Variants in SBF2 observed in about 807,000 individuals in gnomAD.
SBF2 encodes myotubularin-related protein 13.
SBF2 carries 112 observed loss-of-function variants against 225.2 expected under a neutral mutation model. The observed-to-expected ratio is 0.50, with a 90% CI of 0.43 to 0.58. The LOEUF is 0.58. Ranked by LOEUF, SBF2 falls within the 20% of genes least tolerant of loss-of-function variation. The pLI, the probability that SBF2 is intolerant of heterozygous loss-of-function variation, is 0.00. For synonymous variants in SBF2, 763 were observed against 773.3 expected (o/e 0.99, Z 0.22); for missense variants, 1,996 against 2,206.2 (o/e 0.90, Z 1.91).
chr11:10,276,848 T>A (rs989721224), intron 1 of SBF2, among the ~76,000 whole-genome samples: 3 of 152,174 alleles, frequency 2.0e-5, no homozygotes, highest in African/African-American at 7.2e-5. Flanking sequence ...TACTGGTTGT[T>A]ATCAATATAA....
intron 23 of SBF2, among the ~76,000 whole-genome samples, chr11:9,846,054 G>C (rs1372130602): frequency 6.6e-6 from 1 of 152,148 alleles, no homozygotes; most frequent in African/African-American, 2.4e-5. Context: ...GTTCCAGATA[G>C]AGAATTTGGC....
chr11:10,251,583 T>C (rs991778956), intron 1 of SBF2, among the ~76,000 whole-genome samples: 4 of 152,314 alleles, frequency 2.6e-5, no homozygotes, highest in Non-Finnish European at 5.9e-5. Flanking sequence ...TCTAGCTCCT[T>C]CTTTAATCTA....
intron 13 of SBF2, among the ~76,000 whole-genome samples, chr11:9,986,653 C>T (rs189490047): frequency 1.1e-3 from 171 of 152,102 alleles, no homozygotes; most frequent in Non-Finnish European, 1.9e-3. Context: ...AACACCTTTA[C>T]GCACATAAAC....
At chr11:10,220,246 A>C (rs1958292952) in intron 1 of SBF2, among the ~76,000 whole-genome samples, 1 of 152,024 alleles carries the variant, frequency 6.6e-6, no homozygotes, top group African/African-American at 2.4e-5. Context: ...ATCTCATAAG[A>C]CTTATTCACT....
chr11:9,965,161 GCTACT>G (rs1242913383), intron 14 of SBF2, among the ~76,000 whole-genome samples: 2 of 152,204 alleles, frequency 1.3e-5, no homozygotes, highest in East Asian at 3.9e-4. Context: ...ATATTTTATG[GCTACT>G]CTTTGGATTC....
At chr11:9,970,414 C>A (rs1358726647) in intron 13 of SBF2, among the ~76,000 whole-genome samples, 1 of 152,014 alleles carries the variant, frequency 6.6e-6, no homozygotes, top group Non-Finnish European at 1.5e-5. Context: ...ACTGTGTTAG[C>A]CAGGACGGTC....
At position 9,795,942 on chromosome 11, in the gene SBF2, G is replaced by A. The variant is rs1590103742; in HGVS notation, c.4459C>T (p.Pro1487Ser). 1.8e-5 allele frequency: 29 copies of A among 1,613,222 alleles called. No individual in the cohort carries two copies. Among genetic ancestry groups the A allele is most frequent in the Non-Finnish European group, 2.3e-5 (27 of 1,179,928 alleles). Reference sequence around the variant, plus strand: ...TAGAGATTGAATTCAAACTCAGTTGGATACTGGTTGTGAACCTGAAACACA... The same window carrying A: ...TAGAGATTGAATTCAAACTCAGTTGAATACTGGTTGTGAACCTGAAACACA... ...DCVHQVHNQYPTEFEFNLYYL... is the reference protein window; with the variant it reads ...DCVHQVHNQYSTEFEFNLYYL... The change falls in exon 33 of 40, where the codon CCA becomes TCA. Residue 1487 changes from proline (P) to serine (S), a missense_variant. Coordinates refer to ENST00000256190, the MANE Select transcript of SBF2 (RefSeq NM_030962.4).
intron 15 of SBF2, among the ~76,000 whole-genome samples, chr11:9,962,785 C>T (rs966201439): frequency 2.0e-5 from 3 of 152,006 alleles, no homozygotes; most frequent in African/African-American, 7.3e-5. Context: ...GCTAAAAAAT[C>T]AGAACAAAGG....
chr11:9,969,994 A>G (rs1282983401), intron 13 of SBF2, among the ~76,000 whole-genome samples: 1 of 152,214 alleles, frequency 6.6e-6, no homozygotes, highest in Non-Finnish European at 1.5e-5. Flanking sequence ...TTGGGTTGGC[A>G]TGAACTTTTT....
intron 1 of SBF2, among the ~76,000 whole-genome samples, chr11:10,251,494 T>C (rs1960344523): frequency 1.3e-5 from 2 of 152,164 alleles, no homozygotes; most frequent in Admixed American, 6.5e-5. Context: ...TATGGACAAA[T>C]CCATCAAATG....
intron 38 of SBF2, among the ~76,000 whole-genome samples, chr11:9,783,367 G>A (rs371930216): frequency 8.5e-5 from 13 of 152,330 alleles, no homozygotes; most frequent in African/African-American, 2.9e-4. Context: ...CATTTGGAAG[G>A]AGTCTTTTAG....
intron 1 of SBF2, among the ~76,000 whole-genome samples, chr11:10,215,249 A>AG (rs1409063155): frequency 6.6e-6 from 1 of 152,192 alleles, no homozygotes; most frequent in African/African-American, 2.4e-5. Flanking sequence ...AGCAGCCTAT[A>AG]GGGAAAAAAA....
At position 10,002,782 on chromosome 11, in the gene SBF2, T is replaced by G. The variant is rs902264104; in HGVS notation, c.620-93A>C. 36 of 1,224,894 alleles carry G rather than the reference T, an allele frequency of 2.9e-5. No homozygotes were observed. The African/African-American group carries it at 4.2e-4, about 14-fold the overall frequency. 75.9% of individuals were successfully genotyped at this position (1,224,894 alleles called of 1,614,324 possible). On this transcript the variant is annotated intron_variant, in intron 6 of 39. Coordinates refer to ENST00000256190, the MANE Select transcript of SBF2 (RefSeq NM_030962.4). The stretch of plus-strand genomic sequence containing the variant: ...AGTATACACGGAAAGAAAAAGCCAG[T>G]AATTTTGGACTCTCTGAAGGAAAAT...
chr11:9,911,968 C>A (rs1862658358), intron 16 of SBF2, among the ~76,000 whole-genome samples: 1 of 152,240 alleles, frequency 6.6e-6, no homozygotes, highest in Admixed American at 6.5e-5. Context: ...CCCAGGACAG[C>A]TTTCAATGTG....
In SBF2 at chr11:10,286,088, A is replaced by AAAG. The variant is rs1473236985; in HGVS notation, c.55+7926_55+7927insCTT. Reference sequence around the variant, plus strand: ...AGCAATCCACCCACCTCAGCCTCCCATAGTGATGGGATTACAGGCGTGAGC... The same window carrying AAAG: ...AGCAATCCACCCACCTCAGCCTCCCAAAGTAGTGATGGGATTACAGGCGTGAGC... On this transcript the variant is annotated intron_variant, in intron 1 of 39. Transcript: ENST00000256190. 5.9e-5 allele frequency among the ~76,000 whole-genome samples: 9 copies of AAAG among 152,184 alleles called. No homozygotes were observed. In the East Asian group the frequency reaches 1.5e-3, roughly 26 times the overall value.
At chr11:9,930,259 A>G (rs957649619) in intron 16 of SBF2, among the ~76,000 whole-genome samples, 1 of 152,220 alleles carries the variant, frequency 6.6e-6, no homozygotes, top group East Asian at 1.9e-4. Context: ...CCAACCTAAT[A>G]TTTATACAAT....
intron 2 of SBF2, among the ~76,000 whole-genome samples, chr11:10,053,008 T>C (rs969135723): frequency 2.0e-5 from 3 of 152,164 alleles, no homozygotes; most frequent in African/African-American, 7.2e-5. Context: ...AAGGTATGCA[T>C]GTATGTATGT....
At chr11:9,792,369 T>C (rs1852805528) in intron 33 of SBF2, among the ~76,000 whole-genome samples, 1 of 151,108 alleles carries the variant, frequency 6.6e-6, no homozygotes, top group Admixed American at 6.6e-5. Context: ...AGGTGGAGGT[T>C]GCAGTGAGCT....
chr11:9,931,287 G>T (rs1864479444), intron 16 of SBF2, among the ~76,000 whole-genome samples: 1 of 152,238 alleles, frequency 6.6e-6, no homozygotes, highest in South Asian at 2.1e-4. Context: ...TCTGAGAATG[G>T]ACAGACTGCC....
Sources: gnomAD v4.1 joint callset for allele counts (sites outside exome capture counted in the v4.1 genomes callset) on GRCh38, gnomAD v4.1.1 for gene constraint, MANE v1.5 for transcripts, NCBI Gene and HGNC (gene_info 2026-07-23, HGNC 2026-07-21) for gene names.